Variants in OPN5 observed in about 807,000 individuals in gnomAD.
OPN5 encodes the protein opsin-5.
Under a neutral mutation model 41.7 loss-of-function variants are expected in OPN5, and 18 were observed. The ratio of observed to expected loss-of-function variants is 0.43; its 90% CI spans 0.30 to 0.64. The LOEUF is 0.64. Among genes scored for constraint, OPN5 ranks in the 30% least tolerant of loss-of-function variants. OPN5 has a pLI of 0.13. For synonymous variants in OPN5, 178 were observed against 164.3 expected (o/e 1.08, Z -0.64); for missense variants, 318 against 434.5 (o/e 0.73, Z 2.38).
chr6:47,809,060 AC>A (rs557049237), intron 5 of OPN5, among the ~76,000 whole-genome samples: 94 of 152,306 alleles, frequency 6.2e-4, no homozygotes, highest in African/African-American at 2.1e-3. Context: ...TTTGTGCTAC[AC>A]AGTGAAAAGA....
chr6:47,795,353 G>A (rs367861472), exon 4 of OPN5: 35 of 1,613,988 alleles, frequency 2.2e-5, no homozygotes, highest in South Asian at 3.3e-5. Flanking sequence ...TCGGAACCTC[G>A]TGCACCCTGG....
chr6:47,796,294 G>C (rs1773568567), intron 4 of OPN5, among the ~76,000 whole-genome samples: 1 of 152,200 alleles, frequency 6.6e-6, no homozygotes, highest in Non-Finnish European at 1.5e-5. Flanking sequence ...GGAATTCAAA[G>C]AGATAAAGTA....
intron 6 of OPN5, among the ~76,000 whole-genome samples, chr6:47,820,730 A>G (rs1333382813): frequency 6.6e-6 from 1 of 152,172 alleles, no homozygotes; most frequent in East Asian, 1.9e-4. Context: ...TGCTCCTTAT[A>G]TGAAAATAGG....
exon 2 of OPN5, chr6:47,786,548 T>G: frequency 6.2e-7 from 1 of 1,609,894 alleles, no homozygotes; most frequent in Non-Finnish European, 8.5e-7. Context: ...GGATATGTCC[T>G]TTACATGTCT....
intron 6 of OPN5, among the ~76,000 whole-genome samples, chr6:47,815,742 C>T (rs1220381143): frequency 6.6e-6 from 1 of 152,012 alleles, no homozygotes; most frequent in Non-Finnish European, 1.5e-5. Context: ...ACAGACTTTG[C>T]TCAAAACCTC....
rs1762476751 is a variant in OPN5, at chr6:47,817,821, A to T, written c.1056+6090A>T. 2.0e-5 allele frequency among the ~76,000 whole-genome samples: 3 copies of T among 152,220 alleles called. No individual in the cohort carries two copies. In the South Asian group the frequency reaches 6.2e-4, roughly 32 times the overall value. On this transcript the variant is annotated intron_variant, in intron 6 of 6. Coordinates refer to ENST00000371211, the Ensembl canonical transcript of OPN5. ...TTGAAAGTATCCCTGGATACTGGGG[A>T]TCTGTGAGCGGGACACTCTCTAAGG...
chr6:47,823,681 C>A (rs1000321644), intron 6 of OPN5: 7 of 487,086 alleles, frequency 1.4e-5, no homozygotes, highest in Non-Finnish European at 2.2e-5. Flanking sequence ...TCATTCTAGG[C>A]AATGCTTAGG....
chr6:47,808,919 G>A (rs1038832820), intron 5 of OPN5, among the ~76,000 whole-genome samples: 11 of 152,182 alleles, frequency 7.2e-5, no homozygotes, highest in Admixed American at 7.2e-4. Flanking sequence ...TTTGTCAGAA[G>A]AAGAAATTGA....
At chr6:47,799,839 G>A (rs1239473362) in intron 4 of OPN5, among the ~76,000 whole-genome samples, 2 of 152,008 alleles carry the variant, frequency 1.3e-5, no homozygotes, top group African/African-American at 2.4e-5. Context: ...ACCTATTTGG[G>A]AGTGGGAAAA....
rs2114002112 is a variant in OPN5, at chr6:47,815,431, G to T, written c.1056+3700G>T. 2.0e-5 allele frequency among the ~76,000 whole-genome samples: 3 copies of T among 152,224 alleles called. No homozygotes were observed. The Middle Eastern group carries it at 0.01, about 518-fold the overall frequency. On this transcript the variant is annotated intron_variant, in intron 6 of 6. Transcript: ENST00000371211. ...AGGGAAAGAGGAAGAGTCAGAGCTA[G>T]ATGATGAGTAGGCTGTTGCAGGGAT...
intron 1 of OPN5, among the ~76,000 whole-genome samples, chr6:47,784,220 C>T (rs1773145247): frequency 6.6e-6 from 1 of 152,098 alleles, no homozygotes; most frequent in South Asian, 2.1e-4. Flanking sequence ...GGTTTGGACT[C>T]ACCCTAGATC....
At chr6:47,822,804 A>G (rs754592726) in intron 6 of OPN5, among the ~76,000 whole-genome samples, 43 of 152,172 alleles carry the variant, frequency 2.8e-4, no homozygotes, top group Non-Finnish European at 5.9e-4. Context: ...CCGTGAAAAA[A>G]TGTTAGTTTG....
intron 4 of OPN5, among the ~76,000 whole-genome samples, chr6:47,802,857 CT>C (rs1436934470): frequency 6.6e-6 from 1 of 152,182 alleles, no homozygotes; most frequent in African/African-American, 2.4e-5. Context: ...TACTGCCTCT[CT>C]TTTCAGTTGC....
At chr6:47,805,093 A>C (rs955265665) in intron 4 of OPN5, among the ~76,000 whole-genome samples, 1 of 152,224 alleles carries the variant, frequency 6.6e-6, no homozygotes, top group East Asian at 1.9e-4. Flanking sequence ...TTATTTCTAT[A>C]GTTAGTGTTT....
chr6:47,815,828 C>A (rs983510156), intron 6 of OPN5, among the ~76,000 whole-genome samples: 1 of 152,068 alleles, frequency 6.6e-6, no homozygotes, highest in African/African-American at 2.4e-5. Context: ...AATGATTTAA[C>A]CTTCAGCATA....
At chr6:47,810,205 T>C (rs375635338) in intron 5 of OPN5, among the ~76,000 whole-genome samples, 2 of 152,268 alleles carry the variant, frequency 1.3e-5, no homozygotes, top group East Asian at 3.9e-4. Flanking sequence ...GGGTCAGCTT[T>C]CGGGGAAAAA....
chr6:47,808,457 A>C, intron 5 of OPN5, 62 bp downstream of exon 5: 3 of 1,583,550 alleles, frequency 1.9e-6, no homozygotes, highest in Non-Finnish European at 2.6e-6. Flanking sequence ...GGCAGGGTTC[A>C]AGGTACTCAG....
At chr6:47,804,410 A>G (rs1334736234) in intron 4 of OPN5, among the ~76,000 whole-genome samples, 1 of 152,222 alleles carries the variant, frequency 6.6e-6, no homozygotes, top group Non-Finnish European at 1.5e-5. Flanking sequence ...GAAAATAAAA[A>G]TTAAGACACA....
chr6:47,817,958 T>C (rs1478446866), intron 6 of OPN5, among the ~76,000 whole-genome samples: 2 of 152,136 alleles, frequency 1.3e-5, no homozygotes, highest in African/African-American at 4.8e-5. Flanking sequence ...ATTCACCTCT[T>C]CAAGAAACCA....
Sources: allele counts gnomAD v4.1 joint callset (sites outside exome capture counted in the v4.1 genomes callset), GRCh38; gene constraint gnomAD v4.1.1; transcripts MANE v1.5; gene names NCBI Gene and HGNC (gene_info 2026-07-23, HGNC 2026-07-21).